The following LRRTM4 variants were observed in gnomAD, a reference collection of about 807,000 sequenced individuals.
The protein encoded by LRRTM4 is leucine rich repeat transmembrane neuronal 4, also known as leucine-rich repeat transmembrane neuronal protein 4.
In LRRTM4, 25 loss-of-function variants were observed where a neutral mutation model predicts 47.6. That is an observed-to-expected ratio of 0.53 (90% CI 0.38 to 0.73). The LOEUF is 0.73. LRRTM4 is among the 30% of genes least tolerant of loss of function. The probability of loss-of-function intolerance (pLI) is 0.00; values close to 1 mark genes in which losing one functional copy is unlikely to be tolerated. For synonymous variants in LRRTM4, 311 were observed against 269.5 expected, an observed-to-expected ratio of 1.15 and a Z score of -1.51; for missense variants, 638 against 713.4, an observed-to-expected ratio of 0.89 and a Z score of 1.20.
At chr2:77,516,784 A>T (rs1679221950) in intron 3 of LRRTM4, 14 of 976,244 alleles carry the variant, frequency 1.4e-5, no homozygotes, top group African/African-American at 1.1e-4. Flanking sequence ...AAAAAGAAGA[A>T]AATGAATTCT....
intron 3 of LRRTM4, among the ~76,000 whole-genome samples, chr2:76,794,783 T>C (rs1675178230): frequency 6.6e-6 from 1 of 152,054 alleles, no homozygotes; most frequent in African/African-American, 2.4e-5. Context: ...TCACAAACTG[T>C]ACCCACCAGA....
intron 3 of LRRTM4, among the ~76,000 whole-genome samples, chr2:76,876,971 T>C (rs1672796157): frequency 6.6e-6 from 1 of 152,118 alleles, no homozygotes; most frequent in Non-Finnish European, 1.5e-5. Context: ...TTTTAAAATA[T>C]TAGTGATACA....
chr2:76,856,778 T>C (rs1573218193), intron 3 of LRRTM4, among the ~76,000 whole-genome samples: 2 of 152,138 alleles, frequency 1.3e-5, no homozygotes, highest in African/African-American at 4.8e-5. Flanking sequence ...TATGGTGTTT[T>C]GTAAAAAAGA....
chr2:77,066,757 G>A (rs1437855244), intron 3 of LRRTM4, among the ~76,000 whole-genome samples: 1 of 152,178 alleles, frequency 6.6e-6, no homozygotes, highest in Non-Finnish European at 1.5e-5. Flanking sequence ...TAAAATAATA[G>A]GAGCTACTAA....
chr2:76,919,227 T>A (rs1359764779), intron 3 of LRRTM4, among the ~76,000 whole-genome samples: 1 of 152,112 alleles, frequency 6.6e-6, no homozygotes, highest in Non-Finnish European at 1.5e-5. Context: ...ACCTAACACC[T>A]TTGTGAGTCA....
chr2:76,909,529 A>C (rs1316321938), intron 3 of LRRTM4, among the ~76,000 whole-genome samples: 5 of 152,186 alleles, frequency 3.3e-5, no homozygotes, highest in African/African-American at 1.2e-4. Context: ...CTGCACAGCA[A>C]AAGAAACTAC....
intron 3 of LRRTM4, among the ~76,000 whole-genome samples, chr2:77,320,718 GTTAT>G (rs1334753651): frequency 2.6e-5 from 4 of 151,772 alleles, no homozygotes; most frequent in Non-Finnish European, 4.4e-5. Context: ...ACCTATATGA[GTTAT>G]TTAAAATTTT....
At chr2:77,051,569 C>T (rs1490337205) in intron 3 of LRRTM4, among the ~76,000 whole-genome samples, 5 of 152,138 alleles carry the variant, frequency 3.3e-5, no homozygotes, top group Non-Finnish European at 2.9e-5. Flanking sequence ...ACCAGTGAAT[C>T]ACTAGCCATG....
At chr2:77,444,684 A>G (rs1675980321) in intron 3 of LRRTM4, among the ~76,000 whole-genome samples, 1 of 152,038 alleles carries the variant, frequency 6.6e-6, no homozygotes, top group Non-Finnish European at 1.5e-5. Context: ...ATTTCAGCCA[A>G]ACATGATAAT....
At chr2:77,321,004 T>TA (rs543626245) in intron 3 of LRRTM4, among the ~76,000 whole-genome samples, 469 of 152,206 alleles carry the variant, frequency 3.1e-3, no homozygotes, top group Non-Finnish European at 5.8e-3. Context: ...TTAATAAGAA[T>TA]AAAAAATATA....
intron 3 of LRRTM4, among the ~76,000 whole-genome samples, chr2:76,886,738 A>G (rs1573258093): frequency 6.6e-6 from 1 of 152,050 alleles, no homozygotes; most frequent in Non-Finnish European, 1.5e-5. Context: ...ATTAATGAAG[A>G]AAAATATTAA....
chr2:77,031,781 T>A (rs896422710), intron 3 of LRRTM4, among the ~76,000 whole-genome samples: 1 of 152,132 alleles, frequency 6.6e-6, no homozygotes, highest in Non-Finnish European at 1.5e-5. Flanking sequence ...AATATGTGCA[T>A]GTAAATGTAA....
In LRRTM4 at chr2:77,316,552, C is replaced by T. The variant is rs866704878; in HGVS notation, c.1551+201766G>A. ...ATATAATGGGAATATAAATTGCTAT[C>T]TTTTTTTTTTTTTGAGACATAAGTT... On this transcript the variant is annotated intron_variant, in intron 3 of 3. Coordinates refer to ENST00000409884, the MANE Select transcript of LRRTM4 (RefSeq NM_001134745.3). Among the ~76,000 whole-genome samples, 5 of 146,282 alleles carry T rather than the reference C, an allele frequency of 3.4e-5. No individual in the cohort carries two copies. The South Asian group carries it at 1.1e-3, about 32-fold the overall frequency.
intron 3 of LRRTM4, among the ~76,000 whole-genome samples, chr2:76,876,353 TGAA>T (rs2104080602): frequency 6.6e-6 from 1 of 152,254 alleles, no homozygotes; most frequent in African/African-American, 2.4e-5. Context: ...CATTACTGCA[TGAA>T]GATTAGAAAA....
intron 3 of LRRTM4, among the ~76,000 whole-genome samples, chr2:77,126,864 G>T (rs1047417031): frequency 5.3e-5 from 8 of 152,098 alleles, no homozygotes; most frequent in Admixed American, 2.0e-4. Context: ...GCATTCCTTT[G>T]GGTTCAAAGA....
chr2:77,519,523 G>T lies in LRRTM4; in HGVS notation c.346C>A (p.Leu116Ile). 1 of 1,613,406 alleles carries T rather than the reference G, an allele frequency of 6.2e-7. No homozygotes were observed. ...AGATAAGTAATTTTGTTGGAGCTTA[G>T]AATTAATTCTTTCAGTCTACGGATC... is the stretch of plus-strand genomic sequence containing the variant. ...QGIRRLKELILSSNKITYLHN... is the reference protein window; with the variant it reads ...QGIRRLKELIISSNKITYLHN... Residue 116 changes from leucine to isoleucine, a missense_variant, in exon 3 of 4, where the codon CTA (leucine) becomes ATA (isoleucine). Coordinates refer to ENST00000409884, the MANE Select transcript of LRRTM4 (RefSeq NM_001134745.3). The surrounding 1 kb of genome is among the most constrained non-coding windows in gnomAD (Gnocchi z 4.6).
In LRRTM4 at chr2:77,167,828, C is replaced by T. The variant is rs1573031281; in HGVS notation, c.1551+350490G>A. Among the ~76,000 whole-genome samples the T allele has an allele frequency of 3.9e-5, 6 of 152,074 alleles. 1 individual carries two copies. The highest frequency in any genetic ancestry group is 2.0e-4 in the Admixed American group (3 of 15,262). On this transcript the variant is annotated intron_variant, in intron 3 of 3. Transcript: ENST00000409884. ...GGATGGGGGAAGGTGGGAGGGATAG[C>T]GTTAGGAGATATACCTAATGTAAAT... is the stretch of plus-strand genomic sequence containing the variant.
chr2:77,053,681 T>C (rs1278246320), intron 3 of LRRTM4, among the ~76,000 whole-genome samples: 2 of 152,058 alleles, frequency 1.3e-5, no homozygotes, highest in Admixed American at 1.3e-4. Flanking sequence ...CTAGAGGTAA[T>C]AGAATTAATG....
chr2:76,840,707 A>G (rs1042225380), intron 3 of LRRTM4, among the ~76,000 whole-genome samples: 1 of 152,194 alleles, frequency 6.6e-6, no homozygotes, highest in Non-Finnish European at 1.5e-5. Context: ...CAAAAGAGAG[A>G]GAGAAAGAGA....
Sources: gnomAD v4.1 joint callset for allele counts (sites outside exome capture counted in the v4.1 genomes callset) on GRCh38, gnomAD v4.1.1 for gene constraint, Gnocchi (gnomAD v3.1) non-coding constraint, MANE v1.5 for transcripts, NCBI Gene and HGNC (gene_info 2026-07-23, HGNC 2026-07-21) for gene names.